SSBP2: variants seen among roughly 807,000 people sequenced by gnomAD.
The protein encoded by SSBP2 is single stranded DNA binding protein 2.
Under a neutral mutation model 61.8 loss-of-function variants are expected in SSBP2, and 17 were observed. That is an observed-to-expected ratio of 0.28 (90% confidence interval 0.19 to 0.41). The LOEUF (loss-of-function observed/expected upper bound fraction) is 0.41, where lower values mean the gene tolerates loss of function less well. SSBP2 is among the 10% of genes least tolerant of loss of function. The pLI is 1.00. For missense variants in SSBP2, 310 were observed against 458.7 expected (o/e 0.68, Z 2.96); for synonymous variants, 139 against 141.3 (o/e 0.98, Z 0.12).
intron 1 of SSBP2, among the ~76,000 whole-genome samples, chr5:81,673,411 T>G (rs2153794343): frequency 6.6e-6 from 1 of 152,218 alleles, no homozygotes; most frequent in South Asian, 2.1e-4. Flanking sequence ...TAAGACTAAC[T>G]TAACAAAAAC....
chr5:81,440,900 CAGAAAGTAT>C (rs547591236), intron 13 of SSBP2, among the ~76,000 whole-genome samples: 130 of 152,250 alleles, frequency 8.5e-4, no homozygotes, highest in Non-Finnish European at 1.6e-3. Flanking sequence ...CAGATATACT[CAGAAAGTAT>C]ATACATTCCA....
At chr5:81,635,460 C>T (rs924257885) in intron 3 of SSBP2, among the ~76,000 whole-genome samples, 1 of 152,174 alleles carries the variant, frequency 6.6e-6, no homozygotes, top group African/African-American at 2.4e-5. Flanking sequence ...ATCTCCCATT[C>T]CCAATCTCCC....
At chr5:81,537,736 C>T (rs574697491) in intron 4 of SSBP2, among the ~76,000 whole-genome samples, 1 of 152,252 alleles carries the variant, frequency 6.6e-6, no homozygotes, top group Admixed American at 6.5e-5. Flanking sequence ...CACACCCATA[C>T]AAGACAAACA....
intron 3 of SSBP2, 84 bp downstream of exon 3, chr5:81,636,473 G>A: frequency 1.9e-6 from 2 of 1,063,882 alleles, no homozygotes; most frequent in South Asian, 2.4e-5. Flanking sequence ...AAATAAAAAG[G>A]AAGCATGAAA....
At chr5:81,683,179 G>A (rs552633543) in intron 1 of SSBP2, among the ~76,000 whole-genome samples, 25 of 152,134 alleles carry the variant, frequency 1.6e-4, no homozygotes, top group South Asian at 8.3e-4. Context: ...TTTGTATAAA[G>A]AGGCAAAACC....
intron 1 of SSBP2, among the ~76,000 whole-genome samples, chr5:81,693,512 G>A (rs1753371113): frequency 6.6e-6 from 1 of 152,104 alleles, no homozygotes; most frequent in African/African-American, 2.4e-5. Context: ...TATAAAATGG[G>A]CAGAAGATCT....
intron 1 of SSBP2, among the ~76,000 whole-genome samples, chr5:81,742,167 T>C (rs932391328): frequency 1.3e-5 from 2 of 152,186 alleles, no homozygotes; most frequent in Non-Finnish European, 2.9e-5. Context: ...CATTAAAATA[T>C]TTTGAAAACT....
intron 1 of SSBP2, among the ~76,000 whole-genome samples, chr5:81,676,790 A>G (rs189442144): frequency 4.6e-5 from 7 of 152,334 alleles, no homozygotes; most frequent in Admixed American, 6.5e-5. Flanking sequence ...TTTAGAATTT[A>G]ATACTAGAAA....
intron 10 of SSBP2, among the ~76,000 whole-genome samples, chr5:81,450,522 G>A (rs1046610561): frequency 2.6e-5 from 4 of 152,076 alleles, no homozygotes; most frequent in South Asian, 2.1e-4. Context: ...GCAGTTCACC[G>A]CCTTGCTTTA....
chr5:81,692,022 A>G (rs1334608959), intron 1 of SSBP2, among the ~76,000 whole-genome samples: 2 of 152,192 alleles, frequency 1.3e-5, no homozygotes, highest in Non-Finnish European at 2.9e-5. Flanking sequence ...CAATCAGACA[A>G]GAGAAAGAAA....
At chr5:81,574,731 G>A (rs1249488284) in intron 4 of SSBP2, among the ~76,000 whole-genome samples, 1 of 151,860 alleles carries the variant, frequency 6.6e-6, no homozygotes, top group Non-Finnish European at 1.5e-5. Flanking sequence ...GTACAAGACT[G>A]ACAGCTGGAA....
chr5:81,532,352 T>C (rs1236167088), intron 4 of SSBP2, among the ~76,000 whole-genome samples: 2 of 152,094 alleles, frequency 1.3e-5, no homozygotes, highest in Non-Finnish European at 2.9e-5. Flanking sequence ...ACAGTCCACA[T>C]CAGCCACAAT....
intron 6 of SSBP2, among the ~76,000 whole-genome samples, chr5:81,475,120 C>T (rs765260732): frequency 2.6e-5 from 4 of 152,058 alleles, no homozygotes; most frequent in Admixed American, 6.6e-5. Flanking sequence ...TAGATATGAA[C>T]GTAACAGGGT....
intron 4 of SSBP2, 62 bp from the exon 5 acceptor site, chr5:81,513,779 T>C (rs118034647): frequency 0.016 from 16,396 of 1,037,740 alleles, 361 homozygotes; most frequent in South Asian, 0.07. Context: ...AACCAAAGAC[T>C]AATGATAATA....
intron 5 of SSBP2, among the ~76,000 whole-genome samples, chr5:81,508,121 TAA>T (rs1237684841): frequency 6.6e-6 from 1 of 152,170 alleles, no homozygotes; most frequent in Non-Finnish European, 1.5e-5. Flanking sequence ...GACAGAGATA[TAA>T]AAGAGTAAAA....
intron 1 of SSBP2, among the ~76,000 whole-genome samples, chr5:81,747,676 T>C (rs1161916299): frequency 6.6e-6 from 1 of 152,188 alleles, no homozygotes; most frequent in Non-Finnish European, 1.5e-5. Context: ...CAATAATTTA[T>C]TGATGCTTTT....
At chr5:81,522,896 C>T (rs1395439971) in intron 4 of SSBP2, among the ~76,000 whole-genome samples, 2 of 151,992 alleles carry the variant, frequency 1.3e-5, no homozygotes, top group Non-Finnish European at 2.9e-5. Context: ...GAATAGTATT[C>T]AATCCTTTAG....
intron 6 of SSBP2, among the ~76,000 whole-genome samples, chr5:81,482,189 G>A (rs555445361): frequency 1.6e-4 from 24 of 152,104 alleles, no homozygotes; most frequent in Non-Finnish European, 1.5e-4. Flanking sequence ...AGTTATCCAT[G>A]TGCCTCAGCC....
At chr5:81,648,408 C>T (rs1749454800) in intron 2 of SSBP2, among the ~76,000 whole-genome samples, 1 of 152,032 alleles carries the variant, frequency 6.6e-6, no homozygotes, top group Non-Finnish European at 1.5e-5. Flanking sequence ...CTGGCTAAAC[C>T]TCTAAAATTC....
Sources: gnomAD v4.1 joint callset for allele counts (sites outside exome capture counted in the v4.1 genomes callset) on GRCh38, gnomAD v4.1.1 for gene constraint, MANE v1.5 for transcripts, NCBI Gene and HGNC (gene_info 2026-07-23, HGNC 2026-07-21) for gene names.